FOXN3: variants seen among roughly 807,000 people sequenced by gnomAD.
The protein encoded by FOXN3 is forkhead box protein N3.
In FOXN3, 7 loss-of-function variants were observed where a neutral mutation model predicts 38.4. The observed-to-expected ratio is 0.18, with a 90% CI of 0.10 to 0.34. FOXN3 has a LOEUF of 0.34. FOXN3 is among the 10% of genes least tolerant of loss of function. FOXN3 has a pLI of 1.00. For missense variants in FOXN3, 456 were observed against 613.4 expected (o/e 0.74, Z 2.71); for synonymous variants, 230 against 242.2 (o/e 0.95, Z 0.47).
At chr14:89,607,415 C>T (rs1896295121) in intron 1 of FOXN3, among the ~76,000 whole-genome samples, 1 of 151,844 alleles carries the variant, frequency 6.6e-6, no homozygotes, top group African/African-American at 2.4e-5. Context: ...AAAAATGAGC[C>T]GGGCATGGTG....
intron 1 of FOXN3, among the ~76,000 whole-genome samples, chr14:89,456,207 A>G (rs555209426): frequency 0.034 from 5,114 of 150,938 alleles, 300 homozygotes; most frequent in African/African-American, 0.12. Flanking sequence ...AAAAAAAAAA[A>G]AAAAAAACTA....
intron 1 of FOXN3, among the ~76,000 whole-genome samples, chr14:89,496,019 C>T (rs1476001011): frequency 6.6e-6 from 1 of 152,142 alleles, no homozygotes; most frequent in Non-Finnish European, 1.5e-5. Flanking sequence ...TCGAGAACAG[C>T]TTGGCCAACG....
rs560282312 is a variant in FOXN3 at position 89,432,471 on chromosome 14, CG to C, written c.-14-19982del. ...CAAAAGCTTCCTGCAGGCCAGGCAC[CG>C]TGCCAAGAGCTTTACCTGCATTATT... On this transcript the variant is annotated intron_variant, in intron 1 of 6. Transcript: ENST00000345097. Among the ~76,000 whole-genome samples, 58 of 152,318 alleles carry C rather than the reference CG, an allele frequency of 3.8e-4. 1 individual carries two copies. In the South Asian group the frequency reaches 0.012, roughly 31 times the overall value.
chr14:89,482,970 G>C (rs571951817), intron 1 of FOXN3, among the ~76,000 whole-genome samples: 1 of 151,996 alleles, frequency 6.6e-6, no homozygotes, highest in Non-Finnish European at 1.5e-5. Flanking sequence ...CACTTTGGGA[G>C]ACCAAGGTGG....
At chr14:89,545,075 A>G (rs1344063337) in intron 1 of FOXN3, among the ~76,000 whole-genome samples, 1 of 152,226 alleles carries the variant, frequency 6.6e-6, no homozygotes, top group Admixed American at 6.5e-5. Context: ...CTGGACTCTA[A>G]AAGTGGTCAG....
intron 1 of FOXN3, among the ~76,000 whole-genome samples, chr14:89,541,632 T>C (rs1311311071): frequency 6.6e-6 from 1 of 152,198 alleles, no homozygotes; most frequent in Non-Finnish European, 1.5e-5. Flanking sequence ...GTCTATGGAA[T>C]AGCCATTCTT....
intron 1 of FOXN3, among the ~76,000 whole-genome samples, chr14:89,436,061 G>A (rs36065375): frequency 0.45 from 67,610 of 149,382 alleles, 16,574 homozygotes; most frequent in Admixed American, 0.61. Flanking sequence ...GGCTGGTCTC[G>A]AACTCCTGGG....
At chr14:89,452,139 G>A (rs1038570415) in intron 1 of FOXN3, among the ~76,000 whole-genome samples, 4 of 152,128 alleles carry the variant, frequency 2.6e-5, no homozygotes, top group African/African-American at 9.7e-5. Flanking sequence ...ACAACAGGCT[G>A]GGGGGAAAGC....
chr14:89,519,090 C>G (rs1238119009), intron 1 of FOXN3, among the ~76,000 whole-genome samples: 2 of 151,774 alleles, frequency 1.3e-5, no homozygotes, highest in Admixed American at 1.3e-4. Context: ...TGCGCCTGCT[C>G]AAAGGGAAAC....
chr14:89,555,869 GTGTGTGTAT>G (rs1895107277), intron 1 of FOXN3, among the ~76,000 whole-genome samples: 2 of 136,162 alleles, frequency 1.5e-5, no homozygotes, highest in Non-Finnish European at 3.3e-5. Flanking sequence ...GTGTGTGTGT[GTGTGTGTAT>G]GTGGGGGTGT....
chr14:89,234,945 A>C (rs1028865602), intron 4 of FOXN3, among the ~76,000 whole-genome samples: 2 of 152,086 alleles, frequency 1.3e-5, no homozygotes, highest in Admixed American at 6.5e-5. Context: ...CCCTTCTTGC[A>C]ACCTCCCTAA....
chr14:89,406,484 G>C (rs1339089777), intron 2 of FOXN3, among the ~76,000 whole-genome samples: 2 of 152,084 alleles, frequency 1.3e-5, no homozygotes, highest in African/African-American at 4.8e-5. Flanking sequence ...TAGGTTCCTA[G>C]TAAGTTCTGC....
intron 1 of FOXN3, among the ~76,000 whole-genome samples, chr14:89,518,000 AT>A (rs1333694955): frequency 6.6e-6 from 1 of 152,218 alleles, no homozygotes; most frequent in Non-Finnish European, 1.5e-5. Flanking sequence ...ATCTTTAGCC[AT>A]TTAGAGCTGA....
Position 89,616,329 on chromosome 14 carries a change from A to G in FOXN3, c.-15+2699T>C, listed in dbSNP as rs567821229. Among the ~76,000 whole-genome samples, 7 of 152,240 alleles carry G rather than the reference A, an allele frequency of 4.6e-5. No homozygotes were observed. The South Asian group carries it at 1.5e-3, about 32-fold the overall frequency. On this transcript the variant is annotated intron_variant, in intron 1 of 6. Coordinates refer to the FOXN3 transcript ENST00000345097. ...CTGGGAACGTCTCAATTATCCTAAA[A>G]ACAAAAGCACTCTTCCCCATCCACA...
intron 4 of FOXN3, among the ~76,000 whole-genome samples, chr14:89,187,589 C>T (rs1887840650): frequency 6.6e-6 from 1 of 152,196 alleles, no homozygotes; most frequent in Non-Finnish European, 1.5e-5. Flanking sequence ...AATCATTCTG[C>T]CTGTAATGCT....
intron 1 of FOXN3, among the ~76,000 whole-genome samples, chr14:89,559,216 C>CA (rs1421986331): frequency 6.6e-6 from 1 of 151,810 alleles, no homozygotes; most frequent in East Asian, 1.9e-4. Flanking sequence ...CCCATCTCTG[C>CA]AAAAAATACA....
At chr14:89,378,084 G>C (rs1890535424) in intron 2 of FOXN3, among the ~76,000 whole-genome samples, 2 of 152,190 alleles carry the variant, frequency 1.3e-5, no homozygotes, top group Non-Finnish European at 2.9e-5. Context: ...CCAGGCTGTG[G>C]TACTTTGTTA....
In FOXN3 at chr14:89,607,242, T is replaced by C. The variant is rs79065512; in HGVS notation, c.-15+11786A>G. On this transcript the variant is annotated intron_variant, in intron 1 of 6. Transcript: ENST00000345097. ...GTTGTGGCCAGCAGAGAGGACCCCA[T>C]TTAAAGACCACCAAGTGGCTAAGAC... Among the ~76,000 whole-genome samples the C allele has an allele frequency of 6.1e-3, 934 of 152,176 alleles. 6 individuals carry two copies. The highest frequency in any genetic ancestry group is 0.022 in the African/African-American group (907 of 41,524).
chr14:89,558,899 C>G (rs983575308), intron 1 of FOXN3, among the ~76,000 whole-genome samples: 1 of 152,170 alleles, frequency 6.6e-6, no homozygotes, highest in African/African-American at 2.4e-5. Flanking sequence ...TCTCGTGTGA[C>G]CCACTCACAT....
Sources: gnomAD v4.1 joint callset for allele counts (sites outside exome capture counted in the v4.1 genomes callset) on GRCh38, gnomAD v4.1.1 for gene constraint, MANE v1.5 for transcripts, NCBI Gene and HGNC (gene_info 2026-07-23, HGNC 2026-07-21) for gene names.